The following AHRR variants were observed in gnomAD, a reference collection of about 807,000 sequenced individuals.
AHRR encodes aryl hydrocarbon receptor repressor.
A neutral mutation model predicts 44.0 loss-of-function variants in AHRR; 28 were observed. The ratio of observed to expected loss-of-function variants is 0.64; its 90% CI spans 0.47 to 0.87. The LOEUF (loss-of-function observed/expected upper bound fraction) is 0.87. Among genes scored for constraint, AHRR ranks in the 40% least tolerant of loss-of-function variants. The pLI is 0.00. For synonymous variants in AHRR, 434 were observed against 407.0 expected, an observed-to-expected ratio of 1.07 and a Z score of -0.80; for missense variants, 990 against 953.9, an observed-to-expected ratio of 1.04 and a Z score of -0.50.
At chr5:423,310 C>A (rs1352994569) in intron 6 of AHRR, among the ~76,000 whole-genome samples, 1 of 152,186 alleles carries the variant, frequency 6.6e-6, no homozygotes, top group East Asian at 1.9e-4. Flanking sequence ...ACAGGGCTTG[C>A]TCTCAACCTC....
intron 3 of AHRR, among the ~76,000 whole-genome samples, chr5:365,667 G>T (rs1743332190): frequency 6.6e-6 from 1 of 152,080 alleles, no homozygotes; most frequent in Non-Finnish European, 1.5e-5. Context: ...AAGATCTGGT[G>T]AAACTGATCA....
At chr5:384,441 G>T (rs562944203) in intron 4 of AHRR, among the ~76,000 whole-genome samples, 1 of 152,090 alleles carries the variant, frequency 6.6e-6, no homozygotes, top group East Asian at 1.9e-4. Flanking sequence ...TAATTTTTTT[G>T]AGATGGAGTT....
intron 3 of AHRR, among the ~76,000 whole-genome samples, chr5:359,454 C>A (rs1320325193): frequency 6.6e-6 from 1 of 152,122 alleles, no homozygotes; most frequent in Non-Finnish European, 1.5e-5. Context: ...CACCTCTATG[C>A]GTAGGGCCGG....
At chr5:360,383 T>C (rs1743135293) in intron 3 of AHRR, among the ~76,000 whole-genome samples, 1 of 152,224 alleles carries the variant, frequency 6.6e-6, no homozygotes, top group African/African-American at 2.4e-5. Flanking sequence ...GGGGTGTTTA[T>C]TATAAGCAGC....
chr5:343,839 G>C (rs1035344721), intron 1 of AHRR, 54 bp from the exon 2 acceptor site: 12 of 1,545,364 alleles, frequency 7.8e-6, no homozygotes, highest in Non-Finnish European at 1.0e-5. Flanking sequence ...CATCGCGGCG[G>C]GAACAGGGCG....
rs953838769 is a variant in AHRR at position 342,063 on chromosome 5, TTC to T, written c.-10-1828_-10-1827del. On this transcript the variant is annotated intron_variant, in intron 1 of 10. Transcript: ENST00000684583. The surrounding 1 kb of genome is among the most constrained non-coding windows in gnomAD (Gnocchi z 4.3). ...ATTATGTCAAATAACATACTTTGAT[TTC>T]TGTTTTTAAAAAAATTGTTAAGGAT... is the stretch of plus-strand genomic sequence containing the variant. 2.0e-5 allele frequency among the ~76,000 whole-genome samples: 3 copies of T among 152,078 alleles called. No individual in the cohort carries two copies. Among genetic ancestry groups the T allele is most frequent in the Admixed American group, 1.3e-4 (2 of 15,252 alleles).
intron 4 of AHRR, among the ~76,000 whole-genome samples, chr5:396,590 G>A (rs767513464): frequency 2.0e-5 from 3 of 152,178 alleles, no homozygotes; most frequent in Non-Finnish European, 4.4e-5. Context: ...AGAAATCCAC[G>A]TTTTACCGTC....
intron 3 of AHRR, among the ~76,000 whole-genome samples, chr5:373,739 C>T (rs1743663197): frequency 6.6e-6 from 1 of 151,088 alleles, no homozygotes. Flanking sequence ...GTGGCCGGGT[C>T]CGCCCGCCCC....
intron 3 of AHRR, among the ~76,000 whole-genome samples, chr5:373,255 C>A (rs1743639291): frequency 6.6e-6 from 1 of 152,238 alleles, no homozygotes; most frequent in African/African-American, 2.4e-5. Context: ...CTGGCCCTGC[C>A]CTGCACCCGG....
intron 3 of AHRR, among the ~76,000 whole-genome samples, chr5:361,294 A>T (rs1252438350): frequency 6.6e-6 from 1 of 152,174 alleles, no homozygotes; most frequent in Non-Finnish European, 1.5e-5. Flanking sequence ...CAGCCATTGG[A>T]TAGGGAGACT....
chr5:408,081 G>C (rs1007990670), intron 4 of AHRR, among the ~76,000 whole-genome samples: 4 of 152,216 alleles, frequency 2.6e-5, no homozygotes, highest in Non-Finnish European at 5.9e-5. Context: ...CTCCACCCCT[G>C]GCACTCTGCT....
At chr5:361,023 G>A (rs974371010) in intron 3 of AHRR, among the ~76,000 whole-genome samples, 17 of 152,206 alleles carry the variant, frequency 1.1e-4, no homozygotes, top group African/African-American at 3.6e-4. Flanking sequence ...AGGCTGAGGC[G>A]GGTGATCACA....
intron 8 of AHRR, 131 bp from the exon 9 acceptor site, chr5:432,332 G>A (rs1736767678): frequency 2.5e-6 from 2 of 813,854 alleles, no homozygotes; most frequent in East Asian, 2.6e-5. Flanking sequence ...GTGAACTATT[G>A]TTTCTGTCTT....
At chr5:432,548 A>G in intron 9 of AHRR, 24 bp downstream of exon 9, 1 of 1,608,954 alleles carries the variant, frequency 6.2e-7, no homozygotes, top group Non-Finnish European at 8.5e-7. Context: ...TTCTTATCTG[A>G]TCTTTTCCAC....
At chr5:368,135 A>ACTCC (rs1743433586) in intron 3 of AHRR, 3 of 590,478 alleles carry the variant, frequency 5.1e-6, no homozygotes, top group Non-Finnish European at 9.1e-6. Context: ...CTGAGCTGGC[A>ACTCC]CTCCTCGTTG....
rs1281105325 is a variant in AHRR, at chr5:349,497, G to A, written c.63-4233G>A. On this transcript the variant is annotated intron_variant, in intron 2 of 10. Coordinates refer to ENST00000684583, the MANE Select transcript of AHRR (RefSeq NM_001377236.1). The stretch of plus-strand genomic sequence containing the variant: ...CGGGAGGCTGAGGCAGGAGAATGGC[G>A]TGAACTCCGGAGGCAGAGCTTGCAG... Among the ~76,000 whole-genome samples, 8 of 151,734 alleles carry A rather than the reference G, an allele frequency of 5.3e-5. No individual in the cohort carries two copies. The East Asian group carries it at 9.7e-4, about 18-fold the overall frequency.
chr5:352,726 G>T (rs1282765320), intron 2 of AHRR, among the ~76,000 whole-genome samples: 3 of 149,976 alleles, frequency 2.0e-5, no homozygotes, highest in Non-Finnish European at 4.5e-5. Flanking sequence ...AGCTGTAGGG[G>T]ATGGTCACTG....
chr5:325,497 C>G (rs769806869), intron 1 of AHRR, among the ~76,000 whole-genome samples: 69 of 152,180 alleles, frequency 4.5e-4, no homozygotes, highest in Non-Finnish European at 8.5e-4. Context: ...AGGCTGGCCT[C>G]CAGCCACCAA....
Position 383,525 on chromosome 5 carries a change from C to G in AHRR, c.351+6809C>G, listed in dbSNP as rs1734062325. Among the ~76,000 whole-genome samples, 1 of 151,076 alleles carries G rather than the reference C, an allele frequency of 6.6e-6. No individual in the cohort carries two copies. The highest frequency in any genetic ancestry group is 2.4e-5 in the African/African-American group (1 of 41,144). On this transcript the variant is annotated intron_variant, in intron 4 of 10. Coordinates refer to ENST00000684583, the MANE Select transcript of AHRR (RefSeq NM_001377236.1). The surrounding 1 kb of genome is among the most constrained non-coding windows in gnomAD (Gnocchi z 4.0). ...GTAGTTTCTCTTGTTCTGAAATCCA[C>G]TTTGTCTGGTACTAATATAGCATTC...
Sources: gnomAD v4.1 joint callset for allele counts (sites outside exome capture counted in the v4.1 genomes callset) on GRCh38, gnomAD v4.1.1 for gene constraint, Gnocchi (gnomAD v3.1) non-coding constraint, MANE v1.5 for transcripts, NCBI Gene and HGNC (gene_info 2026-07-23, HGNC 2026-07-21) for gene names.